The following SCN2B variants were observed in gnomAD, a reference collection of about 807,000 sequenced individuals.
SCN2B encodes sodium voltage-gated channel beta subunit 2.
In SCN2B, 14 loss-of-function variants were observed where a neutral mutation model predicts 18.2. That is an observed-to-expected ratio of 0.77 (90% CI 0.51 to 1.21). SCN2B has a LOEUF of 1.21. SCN2B is among the 50% of genes most tolerant of loss of function. The probability of loss-of-function intolerance (pLI) is 0.00; values close to 1 mark genes in which losing one functional copy is unlikely to be tolerated. For missense variants in SCN2B, 262 were observed against 286.9 expected (o/e 0.91, Z 0.63); for synonymous variants, 115 against 115.3 (o/e 1.00, Z 0.02).
intron 1 of SCN2B, among the ~76,000 whole-genome samples, chr11:118,170,938 C>T (rs1489312956): frequency 6.6e-6 from 1 of 152,156 alleles, no homozygotes; most frequent in Admixed American, 6.5e-5. Flanking sequence ...ACAGCCCAGG[C>T]CTGCAGGGCT....
chr11:118,165,625 C>G lies in SCN2B; in HGVS notation c.*1262G>C, dbSNP rs895527101. 3.9e-5 allele frequency: 6 copies of G among 152,174 alleles called. No individual in the cohort carries two copies. The highest frequency in any genetic ancestry group is 8.8e-5 in the Non-Finnish European group (6 of 68,096). The allele number at this position is 152,174 out of a possible 1,614,324, so 9.4% of individuals were successfully genotyped here. A position where few individuals can be genotyped will look rare whatever the true frequency, so the allele number is the denominator to read the frequency against. On this transcript the variant is annotated 3_prime_UTR_variant, in exon 4 of 4. Transcript: ENST00000278947. The stretch of plus-strand genomic sequence containing the variant: ...CCAAATAGCTGGGATTACAGGCACA[C>G]GCCACCACGCCCAGCTAATTCTTGT...
In SCN2B at chr11:118,163,422, A is replaced by T. The variant is rs1425301759; in HGVS notation, c.*3465T>A. On this transcript the variant is annotated 3_prime_UTR_variant, in exon 4 of 4. Transcript: ENST00000278947. Reference sequence around the variant, plus strand: ...AATATTTACCAGCCCAACCTCCCCAAGGAGACTCGCAGAGAGAAACATGGA... The same window carrying T: ...AATATTTACCAGCCCAACCTCCCCATGGAGACTCGCAGAGAGAAACATGGA... 6.6e-6 allele frequency: 1 copy of T among 152,634 alleles called. No homozygotes were observed. Among genetic ancestry groups the T allele is most frequent in the African/African-American group, 2.4e-5 (1 of 41,438 alleles). The allele number at this position is 152,634 out of a possible 1,614,324, so 9.5% of individuals were successfully genotyped here.
chr11:118,174,383 C>A (rs1449763254), intron 1 of SCN2B, among the ~76,000 whole-genome samples: 1 of 152,162 alleles, frequency 6.6e-6, no homozygotes, highest in Non-Finnish European at 1.5e-5. Context: ...TCATATGCTT[C>A]TGCCGTGGGT....
rs1244118589 is a variant in SCN2B, at chr11:118,164,352, T to C, written c.*2535A>G. The C allele has an allele frequency of 6.5e-6, 1 of 152,698 alleles. No homozygotes were observed. The highest frequency in any genetic ancestry group is 1.5e-5 in the Non-Finnish European group (1 of 68,038). 9.5% of individuals were successfully genotyped at this position (152,698 alleles called of 1,614,324 possible). On this transcript the variant is annotated 3_prime_UTR_variant, in exon 4 of 4. Transcript: ENST00000278947. ...ATGAGGTGCCCGCCACCCACCTCTC[T>C]GCCCCCAGCTGGCTGGCTCAAGGAT...
At chr11:118,175,251 T>C (rs1220809511) in intron 1 of SCN2B, among the ~76,000 whole-genome samples, 1 of 152,030 alleles carries the variant, frequency 6.6e-6, no homozygotes, top group Non-Finnish European at 1.5e-5. Context: ...CTCAGAGGGG[T>C]TGAGTAACTT....
In SCN2B at chr11:118,165,461, GCCT is replaced by G; in HGVS notation, c.*1423_*1425del. 1 of 132,546 alleles carries G rather than the reference GCCT, an allele frequency of 7.5e-6. No homozygotes were observed. Among genetic ancestry groups the G allele is most frequent in the African/African-American group, 2.9e-5 (1 of 34,026 alleles). The allele number at this position is 132,546 out of a possible 1,614,324, so 8.2% of individuals were successfully genotyped here. A position where few individuals can be genotyped will look rare whatever the true frequency, so the allele number is the denominator to read the frequency against. ...CAGTGATGGTTGGCTCCGCACAATT[GCCT>G]TTTTTTTTTTTTTTTTTTTTTTTTG... is the stretch of plus-strand genomic sequence containing the variant. On this transcript the variant is annotated 3_prime_UTR_variant, in exon 4 of 4. Transcript: ENST00000278947.
At chr11:118,174,183 T>C (rs570361535) in intron 1 of SCN2B, among the ~76,000 whole-genome samples, 43 of 127,370 alleles carry the variant, frequency 3.4e-4, no homozygotes, top group Non-Finnish European at 6.3e-4. Flanking sequence ...CAAGCGATCC[T>C]CCCACCTCGG....
In SCN2B at chr11:118,166,850, G is replaced by A. The variant is rs1482663468; in HGVS notation, c.*37C>T. ...TCACTGTACAGGGCGGAGAGGGGAG[G>A]AGACGGGACACGGGAGGCTGCAGGG... On this transcript the variant is annotated 3_prime_UTR_variant, in exon 4 of 4. Coordinates refer to ENST00000278947, the MANE Select transcript of SCN2B (RefSeq NM_004588.5). 20 of 1,611,486 alleles carry A rather than the reference G, an allele frequency of 1.2e-5. No individual in the cohort carries two copies. The highest frequency in any genetic ancestry group is 1.6e-5 in the Non-Finnish European group (19 of 1,179,204).
chr11:118,171,711 G>A (rs1948432369), intron 1 of SCN2B, among the ~76,000 whole-genome samples: 1 of 152,196 alleles, frequency 6.6e-6, no homozygotes, highest in South Asian at 2.1e-4. Context: ...TGGCCGGCAG[G>A]ACGGGGGCAG....
rs1464798187 is a variant in SCN2B at position 118,163,257 on chromosome 11, C to T, written c.*3630G>A. The T allele has an allele frequency of 6.6e-6, 1 of 152,488 alleles. No individual in the cohort carries two copies. Among genetic ancestry groups the T allele is most frequent in the Non-Finnish European group, 1.5e-5 (1 of 68,034 alleles). 9.4% of individuals were successfully genotyped at this position (152,488 alleles called of 1,614,324 possible). Reference sequence around the variant, plus strand: ...GGCACAGCAAGAGACACAGGCTGTCCATCTTTAAGACATAAGTAGGAAGGA... The same window carrying T: ...GGCACAGCAAGAGACACAGGCTGTCTATCTTTAAGACATAAGTAGGAAGGA... On this transcript the variant is annotated 3_prime_UTR_variant, in exon 4 of 4. Transcript: ENST00000278947.
intron 1 of SCN2B, among the ~76,000 whole-genome samples, chr11:118,174,096 T>TTTTTTC (rs1948450265): frequency 1.1e-5 from 1 of 87,222 alleles, no homozygotes; most frequent in African/African-American, 1.5e-4. Flanking sequence ...CTTTTCTTTT[T>TTTTTTC]TTTTTTTTTT....
Position 118,168,798 on chromosome 11 carries a change from G to A in SCN2B, c.71-47C>T. ...GGTGAGGAGTCTGGCTGAAAGGGCT[G>A]GGGAGGGGCAAGCCCTCTGTGCCTG... On this transcript the variant is annotated intron_variant, in intron 1 of 3. Coordinates refer to ENST00000278947, the MANE Select transcript of SCN2B (RefSeq NM_004588.5). This position sits in a 1 kb window ranked among gnomAD's most constrained non-coding sequence, Gnocchi z 4.7. 2 of 1,606,230 alleles carry A rather than the reference G, an allele frequency of 1.2e-6. No homozygotes were observed. Among genetic ancestry groups the A allele is most frequent in the African/African-American group, 1.3e-5 (1 of 74,908 alleles).
In SCN2B at chr11:118,168,390, G is replaced by A; in HGVS notation, c.238-95C>T. 7.6e-7 allele frequency: 1 copy of A among 1,322,958 alleles called. No individual in the cohort carries two copies. The highest frequency in any genetic ancestry group is 1.1e-6 in the Non-Finnish European group (1 of 917,766). The allele number at this position is 1,322,958 out of a possible 1,614,324, so 82.0% of individuals were successfully genotyped here. ...CCCTCTTCCCATCCACCCTTTTCCT[G>A]GGGAAGAGAGGCAGTTACCTCTGTG... is the stretch of plus-strand genomic sequence containing the variant. On this transcript the variant is annotated intron_variant, in intron 2 of 3. Coordinates refer to ENST00000278947, the MANE Select transcript of SCN2B (RefSeq NM_004588.5). This position sits in a 1 kb window ranked among gnomAD's most constrained non-coding sequence, Gnocchi z 4.7.
rs575911632 is a variant in SCN2B, at chr11:118,164,311, C to G, written c.*2576G>C. The G allele has an allele frequency of 6.5e-6, 1 of 152,810 alleles. No individual in the cohort carries two copies. The highest frequency in any genetic ancestry group is 1.5e-5 in the Non-Finnish European group (1 of 68,042). 9.5% of individuals were successfully genotyped at this position (152,810 alleles called of 1,614,324 possible). A position where few individuals can be genotyped will look rare whatever the true frequency, so the allele number is the denominator to read the frequency against. On this transcript the variant is annotated 3_prime_UTR_variant, in exon 4 of 4. Coordinates refer to ENST00000278947, the MANE Select transcript of SCN2B (RefSeq NM_004588.5). ...AGCTGCAGAAATGTATACAACCACTCTTGGTCTCAGCTGGCATGAGGTGCC... is the reference window on the plus strand; with the variant it reads ...AGCTGCAGAAATGTATACAACCACTGTTGGTCTCAGCTGGCATGAGGTGCC...
Position 118,166,499 on chromosome 11 carries a change from C to T in SCN2B, c.*388G>A. The T allele has an allele frequency of 3.1e-6, 1 of 320,748 alleles. No homozygotes were observed. Among genetic ancestry groups the T allele is most frequent in the Non-Finnish European group, 6.0e-6 (1 of 165,370 alleles). The allele number at this position is 320,748 out of a possible 1,614,324, so 19.9% of individuals were successfully genotyped here. A position where few individuals can be genotyped will look rare whatever the true frequency, so the allele number is the denominator to read the frequency against. On this transcript the variant is annotated 3_prime_UTR_variant, in exon 4 of 4. Transcript: ENST00000278947. ...GTCAGCACAGGAAAGCCCTCCCTCC[C>T]CACCAGGTCCTCTCTGAAGCCACTG...
At chr11:118,167,614 T>G (rs1285823927) in intron 3 of SCN2B, among the ~76,000 whole-genome samples, 1 of 152,234 alleles carries the variant, frequency 6.6e-6, no homozygotes, top group Non-Finnish European at 1.5e-5. Flanking sequence ...TGGAGTGCAG[T>G]GGCACAATCA....
intron 3 of SCN2B, among the ~76,000 whole-genome samples, 193 bp from the exon 4 acceptor site, chr11:118,167,279 C>T (rs897642255): frequency 2.0e-5 from 3 of 152,230 alleles, no homozygotes; most frequent in African/African-American, 2.4e-5. Flanking sequence ...CACCCAAAGC[C>T]CCCAGAGGAG....
chr11:118,166,227 G>A lies in SCN2B; in HGVS notation c.*660C>T, dbSNP rs676685. On this transcript the variant is annotated 3_prime_UTR_variant, in exon 4 of 4. Transcript: ENST00000278947. Reference sequence around the variant, plus strand: ...CAGTCCTAAGGGATTAGGAGCCAACGGGAGCCCCAAGGAGGCCACTAGCAA... The same window carrying A: ...CAGTCCTAAGGGATTAGGAGCCAACAGGAGCCCCAAGGAGGCCACTAGCAA... The A allele has an allele frequency of 0.53, 83,123 of 157,516 alleles. 22,327 individuals are homozygous for A. Among genetic ancestry groups the A allele is most frequent in the East Asian group, 0.76 (3,970 of 5,250 alleles). 9.8% of individuals were successfully genotyped at this position (157,516 alleles called of 1,614,324 possible). A position where few individuals can be genotyped will look rare whatever the true frequency, so the allele number is the denominator to read the frequency against.
intron 1 of SCN2B, among the ~76,000 whole-genome samples, chr11:118,173,189 C>A (rs75403174): frequency 0.063 from 9,537 of 152,208 alleles, 332 homozygotes; most frequent in East Asian, 0.14. Context: ...CTGGGACCAA[C>A]CTATACCCTA....
Sources: gnomAD v4.1 joint callset for allele counts (sites outside exome capture counted in the v4.1 genomes callset) on GRCh38, gnomAD v4.1.1 for gene constraint, Gnocchi (gnomAD v3.1) non-coding constraint, MANE v1.5 for transcripts, NCBI Gene and HGNC (gene_info 2026-07-23, HGNC 2026-07-21) for gene names.